The following ZFAT variants were observed in gnomAD, a reference collection of about 807,000 sequenced individuals.
ZFAT encodes zinc finger protein ZFAT.
ZFAT carries 64 observed loss-of-function variants against 117.7 expected under a neutral mutation model. The observed-to-expected ratio is 0.54, with a 90% CI of 0.44 to 0.67. ZFAT has a LOEUF of 0.67. Among genes scored for constraint, ZFAT ranks in the 30% least tolerant of loss-of-function variants. The pLI is 0.00. For missense variants in ZFAT, 1,433 were observed against 1,584.5 expected, an observed-to-expected ratio of 0.90 and a Z score of 1.62; for synonymous variants, 679 against 615.0, an observed-to-expected ratio of 1.10 and a Z score of -1.54.
the ZFAT span, among the ~76,000 whole-genome samples, chr8:134,741,570 C>A: frequency 6.6e-6 from 1 of 152,146 alleles, no homozygotes; most frequent in Non-Finnish European, 1.5e-5. Flanking sequence ...TGGATGCTTC[C>A]CAGGACTTTT....
chr8:134,626,360 G>C (rs767029410), intron 3 of ZFAT, among the ~76,000 whole-genome samples: 1 of 152,334 alleles, frequency 6.6e-6, no homozygotes, highest in Non-Finnish European at 1.5e-5. Flanking sequence ...TCCTAGACCA[G>C]AATCCCTGTT....
chr8:134,626,610 G>A (rs2131047737), intron 3 of ZFAT, among the ~76,000 whole-genome samples: 1 of 152,368 alleles, frequency 6.6e-6, no homozygotes, highest in African/African-American at 2.4e-5. Flanking sequence ...GGATTCCACG[G>A]ATCTCTGGGA....
At chr8:134,723,671 C>T in the ZFAT span, 1 of 152,306 alleles carries the variant, frequency 6.6e-6, no homozygotes, top group African/African-American at 2.4e-5. Flanking sequence ...CTTGAGGACC[C>T]CTTCACTGTA....
At chr8:134,521,495 C>G (rs566330033) in intron 12 of ZFAT, among the ~76,000 whole-genome samples, 1 of 152,168 alleles carries the variant, frequency 6.6e-6, no homozygotes, top group East Asian at 1.9e-4. Flanking sequence ...AATTCCCATG[C>G]AAATTACCCA....
At chr8:134,718,817 G>A in the ZFAT span, among the ~76,000 whole-genome samples, 83 of 152,326 alleles carry the variant, frequency 5.4e-4, no homozygotes, top group African/African-American at 1.9e-3. Flanking sequence ...TGGATGTTCA[G>A]AAGAGAAAAT....
At chr8:134,783,137 T>A in the ZFAT span, among the ~76,000 whole-genome samples, 8 of 152,228 alleles carry the variant, frequency 5.3e-5, no homozygotes, top group Admixed American at 5.2e-4. Context: ...TTTCTCCAGT[T>A]AAAAGTTTGA....
chr8:134,822,593 T>A, the ZFAT span, among the ~76,000 whole-genome samples: 1 of 152,166 alleles, frequency 6.6e-6, no homozygotes, highest in East Asian at 1.9e-4. Context: ...GATTATATTT[T>A]AATTGTTATG....
At chr8:134,535,089 G>A (rs1453765289) in intron 11 of ZFAT, among the ~76,000 whole-genome samples, 3 of 152,178 alleles carry the variant, frequency 2.0e-5, no homozygotes, top group East Asian at 3.9e-4. Flanking sequence ...GGTTCTGCCA[G>A]GGCTCAACCT....
intron 1 of ZFAT, among the ~76,000 whole-genome samples, chr8:134,693,393 A>C (rs1833677656): frequency 6.6e-6 from 1 of 152,234 alleles, no homozygotes; most frequent in African/African-American, 2.4e-5. Flanking sequence ...AAAAGATTAC[A>C]GACCACTGAC....
At chr8:134,810,598 T>C in the ZFAT span, among the ~76,000 whole-genome samples, 5 of 152,196 alleles carry the variant, frequency 3.3e-5, no homozygotes, top group Admixed American at 6.5e-5. Flanking sequence ...TTCAAATCCT[T>C]GTCCTTCCAC....
the ZFAT span, among the ~76,000 whole-genome samples, chr8:134,722,741 G>A: frequency 6.6e-6 from 1 of 152,198 alleles, no homozygotes; most frequent in Non-Finnish European, 1.5e-5. Context: ...AAAGGACACT[G>A]TCCTCGACCT....
intron 3 of ZFAT, among the ~76,000 whole-genome samples, chr8:134,631,018 T>C (rs2131069311): frequency 6.6e-6 from 1 of 152,342 alleles, no homozygotes; most frequent in Admixed American, 6.5e-5. Flanking sequence ...ACAAGGCAGC[T>C]GGGCATAAGG....
intron 3 of ZFAT, among the ~76,000 whole-genome samples, chr8:134,630,812 G>C (rs1829836726): frequency 6.6e-6 from 1 of 152,168 alleles, no homozygotes; most frequent in African/African-American, 2.4e-5. Flanking sequence ...ACTTGCCATG[G>C]TTCAGGGTAA....
At chr8:134,749,330 T>C in the ZFAT span, among the ~76,000 whole-genome samples, 1 of 152,172 alleles carries the variant, frequency 6.6e-6, no homozygotes, top group African/African-American at 2.4e-5. Flanking sequence ...ACTGGGTAAT[T>C]TATAAACAAC....
At chr8:134,790,548 C>T in the ZFAT span, among the ~76,000 whole-genome samples, 1 of 152,148 alleles carries the variant, frequency 6.6e-6, no homozygotes, top group Non-Finnish European at 1.5e-5. Context: ...TCAGTGCGTA[C>T]CATTTCTCTA....
At position 134,610,495 on chromosome 8, in the gene ZFAT, A is replaced by T; in HGVS notation, c.609T>A (p.Val203=). ...SGAKKPIISV[V]LTAHEAIPGA... is the part of the protein sequence containing the mutation. Reference sequence around the variant, plus strand: ...CTGGAATTGCTTCGTGTGCAGTTAAAACCACACTTATGATGGGTTTCTTCG... The same window carrying T: ...CTGGAATTGCTTCGTGTGCAGTTAATACCACACTTATGATGGGTTTCTTCG... Residue 203 remains valine, a synonymous_variant, in exon 4 of 16, where the codon GTT becomes GTA. Transcript: ENST00000377838. The T allele has an allele frequency of 2.5e-6, 4 of 1,613,990 alleles. No homozygotes were observed. Among genetic ancestry groups the T allele is most frequent in the Non-Finnish European group, 3.4e-6 (4 of 1,179,980 alleles).
rs140863724 is a variant in ZFAT at position 134,636,502 on chromosome 8, C to T, written c.448+959G>A. On this transcript the variant is annotated intron_variant, in intron 3 of 15. Coordinates refer to ENST00000377838, the MANE Select transcript of ZFAT (RefSeq NM_020863.4). ...CAGGACTGCTTTTATTCCAATTTTACGGATGAGGAAACTGAGGCAAAATTA... is the reference window on the plus strand; with the variant it reads ...CAGGACTGCTTTTATTCCAATTTTATGGATGAGGAAACTGAGGCAAAATTA... 6.6e-3 allele frequency among the ~76,000 whole-genome samples: 1,001 copies of T among 152,220 alleles called. 9 individuals carry two copies. The highest frequency in any genetic ancestry group is 0.023 in the African/African-American group (953 of 41,532).
At chr8:134,649,194 C>CACACAG (rs2131164157) in intron 2 of ZFAT, among the ~76,000 whole-genome samples, 1 of 151,130 alleles carries the variant, frequency 6.6e-6, no homozygotes, top group African/African-American at 2.4e-5. Flanking sequence ...CACACACACA[C>CACACAG]ACACACACCC....
intron 14 of ZFAT, among the ~76,000 whole-genome samples, chr8:134,510,468 G>T (rs1338477139): frequency 1.3e-5 from 2 of 152,094 alleles, no homozygotes; most frequent in Non-Finnish European, 2.9e-5. Flanking sequence ...ATCCTCATGG[G>T]CAGCTTTCTG....
Sources: gnomAD v4.1 joint callset for allele counts (sites outside exome capture counted in the v4.1 genomes callset) on GRCh38, gnomAD v4.1.1 for gene constraint, MANE v1.5 for transcripts, NCBI Gene and HGNC (gene_info 2026-07-23, HGNC 2026-07-21) for gene names.